The following ITPRID1 variants were observed in gnomAD, a reference collection of about 807,000 sequenced individuals.
ITPRID1 encodes the protein ITPR interacting domain containing 1.
ITPRID1 carries 96 observed loss-of-function variants against 95.4 expected under a neutral mutation model. That is an observed-to-expected ratio of 1.01 (90% CI 0.85 to 1.19). The LOEUF (loss-of-function observed/expected upper bound fraction) is 1.19, where lower values mean the gene tolerates loss of function less well. Ranked by LOEUF, ITPRID1 falls within the 50% of genes most tolerant of loss-of-function variation. The pLI is 0.00. For synonymous variants in ITPRID1, 510 were observed against 453.6 expected (o/e 1.12, Z -1.58); for missense variants, 1,339 against 1,252.9 (o/e 1.07, Z -1.04).
intron 10 of ITPRID1, among the ~76,000 whole-genome samples, chr7:31,631,834 T>C (rs957317082): frequency 4.6e-5 from 7 of 152,218 alleles, no homozygotes; most frequent in African/African-American, 1.7e-4. Flanking sequence ...GAAAAATAAT[T>C]AGCTTGTCTC....
At chr7:31,532,885 G>T (rs889596826) in intron 1 of ITPRID1, among the ~76,000 whole-genome samples, 1 of 152,034 alleles carries the variant, frequency 6.6e-6, no homozygotes, top group Non-Finnish European at 1.5e-5. Context: ...CCCTGCTTGG[G>T]TTATCCATTT....
intron 10 of ITPRID1, among the ~76,000 whole-genome samples, chr7:31,605,485 G>A (rs1786578368): frequency 6.6e-6 from 1 of 152,180 alleles, no homozygotes; most frequent in South Asian, 2.1e-4. Flanking sequence ...AAAGATCAAT[G>A]GTTTGGGAGC....
In ITPRID1 at chr7:31,552,991, T is replaced by C. The variant is rs148146765; in HGVS notation, c.-23-11T>C. 3 of 1,595,968 alleles carry C rather than the reference T, an allele frequency of 1.9e-6. No homozygotes were observed. Among genetic ancestry groups the C allele is most frequent in the East Asian group, 2.3e-5 (1 of 44,244 alleles). ...ATCGTGTCTGATTTGTTTGTGTGTG[T>C]GTGTTTTAAGTTAGTTTGCAGAATT... On this transcript the variant is annotated splice_polypyrimidine_tract_variant and intron_variant, in intron 2 of 14. Transcript: ENST00000615280.
chr7:31,519,520 T>A (rs1227028544), intron 1 of ITPRID1, among the ~76,000 whole-genome samples: 1 of 149,900 alleles, frequency 6.7e-6, no homozygotes, highest in Non-Finnish European at 1.5e-5. Flanking sequence ...CCTTACATAA[T>A]GATGTTCCAT....
At position 31,549,418 on chromosome 7, in the gene ITPRID1, C is replaced by G; in HGVS notation, c.-97-8C>G. 7.1e-7 allele frequency: 1 copy of G among 1,418,122 alleles called. No homozygotes were observed. The highest frequency in any genetic ancestry group is 1.8e-4 in the Middle Eastern group (1 of 5,508). The allele number at this position is 1,418,122 out of a possible 1,614,324, so 87.8% of individuals were successfully genotyped here. On this transcript the variant is annotated splice_polypyrimidine_tract_variant and splice_region_variant and intron_variant, in intron 1 of 14. Coordinates refer to ENST00000615280, the MANE Select transcript of ITPRID1 (RefSeq NM_001257967.3). Reference sequence around the variant, plus strand: ...TGCATTGATTGGTGATTCTTCTTTACTTGACAGTTCCTGACAGGATAAGGA... The same window carrying G: ...TGCATTGATTGGTGATTCTTCTTTAGTTGACAGTTCCTGACAGGATAAGGA...
downstream of ITPRID1, chr7:31,656,598 T>G: frequency 2.6e-5 from 12 of 463,816 alleles, no homozygotes; most frequent in Non-Finnish European, 3.1e-5. Flanking sequence ...GAGATGAGGA[T>G]AAATTATCAG....
chr7:31,638,345 A>G (rs551505889), intron 10 of ITPRID1, among the ~76,000 whole-genome samples: 7 of 152,322 alleles, frequency 4.6e-5, no homozygotes, highest in African/African-American at 9.6e-5. Flanking sequence ...TGACAACACT[A>G]AACAGCTGTT....
chr7:31,610,361 T>C (rs146810228), intron 10 of ITPRID1, among the ~76,000 whole-genome samples: 1 of 151,944 alleles, frequency 6.6e-6, no homozygotes, highest in East Asian at 1.9e-4. Flanking sequence ...AAAAATGCAG[T>C]AATGCAGGAG....
chr7:31,613,101 G>C (rs1049243808), intron 10 of ITPRID1, among the ~76,000 whole-genome samples: 3 of 152,106 alleles, frequency 2.0e-5, no homozygotes, highest in Non-Finnish European at 4.4e-5. Flanking sequence ...CCAGAAATGG[G>C]ACTTTTTGTT....
intron 10 of ITPRID1, among the ~76,000 whole-genome samples, chr7:31,637,049 T>A (rs1203970826): frequency 6.6e-6 from 1 of 152,000 alleles, no homozygotes; most frequent in Non-Finnish European, 1.5e-5. Flanking sequence ...TCCATGTCCC[T>A]ACAAAGGACA....
chr7:31,610,638 G>A (rs1181471602), intron 10 of ITPRID1, among the ~76,000 whole-genome samples: 3 of 151,480 alleles, frequency 2.0e-5, no homozygotes, highest in Non-Finnish European at 3.0e-5. Context: ...AGGTCTACAT[G>A]TGTTTTTAAT....
intron 12 of ITPRID1, among the ~76,000 whole-genome samples, chr7:31,648,993 CCATAATCTAG>C (rs1210848620): frequency 1.3e-5 from 2 of 152,214 alleles, no homozygotes; most frequent in Non-Finnish European, 2.9e-5. Context: ...GTCTTAAGAG[CCATAATCTAG>C]CATTCCTGCC....
At chr7:31,590,618 G>C (rs1029035474) in intron 10 of ITPRID1, among the ~76,000 whole-genome samples, 3 of 152,094 alleles carry the variant, frequency 2.0e-5, no homozygotes, top group Non-Finnish European at 4.4e-5. Flanking sequence ...AAGTTGCAGA[G>C]AGAAGAAAAA....
At chr7:31,569,730 T>G in intron 5 of ITPRID1, 28 bp from the exon 6 acceptor site, 3 of 1,555,898 alleles carry the variant, frequency 1.9e-6, no homozygotes, top group Non-Finnish European at 2.6e-6. Flanking sequence ...CGAAATAAAG[T>G]TCCCCTCTAC....
In ITPRID1 at chr7:31,642,180, C is replaced by T. The variant is rs1337753750; in HGVS notation, c.1233C>T (p.Ala411=). 7 of 1,558,548 alleles carry T rather than the reference C, an allele frequency of 4.5e-6. No individual in the cohort carries two copies. Among genetic ancestry groups the T allele is most frequent in the Non-Finnish European group, 6.1e-6 (7 of 1,152,120 alleles). Residue 411 remains alanine (A), a synonymous_variant, in exon 11 of 15, where the codon GCC becomes GCT. Transcript: ENST00000615280. ...PLDMTSGTVG[A]RVDRANSCQS... ...AAGACCTCTTTCATTCTGCAGGTGC[C>T]AGGGTGGACAGAGCAAATAGCTGCC...
chr7:31,627,421 G>T (rs1788564459), intron 10 of ITPRID1, among the ~76,000 whole-genome samples: 1 of 152,138 alleles, frequency 6.6e-6, no homozygotes, highest in South Asian at 2.1e-4. Context: ...TCTTTGGGAG[G>T]TCAAGGCAGG....
chr7:31,587,274 A>G (rs2128152044), intron 10 of ITPRID1, among the ~76,000 whole-genome samples: 1 of 152,306 alleles, frequency 6.6e-6, no homozygotes, highest in Admixed American at 6.5e-5. Context: ...TTAAGCTGAT[A>G]AGCAACTTCA....
intron 10 of ITPRID1, among the ~76,000 whole-genome samples, chr7:31,630,393 C>G (rs1321582009): frequency 6.6e-6 from 1 of 152,080 alleles, no homozygotes; most frequent in Non-Finnish European, 1.5e-5. Flanking sequence ...AGTTCAAAAT[C>G]AGGCCTACTT....
chr7:31,554,054 C>G (rs944867526), intron 3 of ITPRID1, among the ~76,000 whole-genome samples: 1 of 152,134 alleles, frequency 6.6e-6, no homozygotes, highest in Non-Finnish European at 1.5e-5. Context: ...AAATAACCAT[C>G]ACTGGCTGGC....
Sources: allele counts gnomAD v4.1 joint callset (sites outside exome capture counted in the v4.1 genomes callset), GRCh38; gene constraint gnomAD v4.1.1; transcripts MANE v1.5; gene names NCBI Gene and HGNC (gene_info 2026-07-23, HGNC 2026-07-21).